The following STARD6 variants were observed in gnomAD, a reference collection of about 807,000 sequenced individuals.
STARD6 encodes the protein stAR-related lipid transfer protein 6.
A neutral mutation model predicts 22.3 loss-of-function variants in STARD6; 21 were observed. The ratio of observed to expected loss-of-function variants is 0.94; its 90% confidence interval spans 0.67 to 1.35. STARD6 has a LOEUF of 1.35. Ranked by LOEUF, STARD6 falls within the 40% of genes most tolerant of loss-of-function variation. The pLI, the probability that STARD6 is intolerant of heterozygous loss-of-function variation, is 0.00. For synonymous variants in STARD6, 80 were observed against 88.1 expected, an observed-to-expected ratio of 0.91 and a Z score of 0.52; for missense variants, 269 against 266.9, an observed-to-expected ratio of 1.01 and a Z score of -0.05.
intron 4 of STARD6, among the ~76,000 whole-genome samples, chr18:54,344,556 C>A (rs2089016558): frequency 1.2e-5 from 1 of 84,318 alleles, no homozygotes; most frequent in Non-Finnish European, 2.3e-5. Flanking sequence ...TGAGAAACAC[C>A]CAAGAATTAT....
chr18:54,343,653 C>T (rs1283576987), intron 4 of STARD6, among the ~76,000 whole-genome samples: 2 of 37,894 alleles, frequency 5.3e-5, no homozygotes, highest in Non-Finnish European at 9.8e-5. Context: ...CGGCCAGCCG[C>T]CCCGTCCGGG....
At chr18:54,356,482 CCATGAA>C (rs2144702646) in intron 1 of STARD6, 38 bp from the exon 2 acceptor site, 1 of 152,228 alleles carries the variant, frequency 6.6e-6, no homozygotes, top group Admixed American at 6.5e-5. Flanking sequence ...TTATTTTGAT[CCATGAA>C]TTAGGTCAAT....
intron 4 of STARD6, among the ~76,000 whole-genome samples, chr18:54,340,667 C>T (rs150336710): frequency 6.6e-6 from 1 of 152,104 alleles, no homozygotes; most frequent in African/African-American, 2.4e-5. Context: ...ACAAGCCAAT[C>T]AGAAGGTAGA....
At chr18:54,331,928 C>G in intron 5 of STARD6, 69 bp from the exon 6 acceptor site, 1 of 1,135,020 alleles carries the variant, frequency 8.8e-7, no homozygotes, top group Non-Finnish European at 1.3e-6. Flanking sequence ...GTTTCCCCCC[C>G]AAATTTTATT....
chr18:54,330,867 T>A (rs1052500658), intron 6 of STARD6, among the ~76,000 whole-genome samples: 1 of 152,172 alleles, frequency 6.6e-6, no homozygotes, highest in Non-Finnish European at 1.5e-5. Flanking sequence ...ATACATTATA[T>A]GTGCCCTCAT....
intron 5 of STARD6, among the ~76,000 whole-genome samples, chr18:54,336,160 CTT>C (rs1177537191): frequency 6.6e-6 from 1 of 152,104 alleles, no homozygotes; most frequent in Non-Finnish European, 1.5e-5. Flanking sequence ...TTTGTTTTCT[CTT>C]TGTTTTTATT....
At chr18:54,331,540 T>A (rs1826768084) in intron 6 of STARD6, among the ~76,000 whole-genome samples, 1 of 152,202 alleles carries the variant, frequency 6.6e-6, no homozygotes, top group Admixed American at 6.5e-5. Context: ...TAAGAGATGT[T>A]GCAAATATTG....
rs150791171 is a variant in STARD6 at position 54,334,555 on chromosome 18, G to A, written c.267+2570C>T. ...ACCCCACAGACTTTGTTTATCTCTTGACTAAACACTGCCAAACTCTTTCTA... is the reference window on the plus strand; with the variant it reads ...ACCCCACAGACTTTGTTTATCTCTTAACTAAACACTGCCAAACTCTTTCTA... On this transcript the variant is annotated intron_variant, in intron 5 of 7. Coordinates refer to ENST00000307844, the MANE Select transcript of STARD6 (RefSeq NM_139171.2). Among the ~76,000 whole-genome samples the A allele has an allele frequency of 4.0e-5, 6 of 151,828 alleles. No individual in the cohort carries two copies. In the East Asian group the frequency reaches 1.2e-3, roughly 30 times the overall value.
At chr18:54,343,345 C>T (rs1011440219) in intron 4 of STARD6, among the ~76,000 whole-genome samples, 18 of 143,386 alleles carry the variant, frequency 1.3e-4, no homozygotes, top group Admixed American at 1.0e-3. Context: ...CTCCGCCCGG[C>T]AGCCACCCCG....
At chr18:54,338,188 C>A (rs2088934561) in intron 4 of STARD6, among the ~76,000 whole-genome samples, 1 of 152,118 alleles carries the variant, frequency 6.6e-6, no homozygotes, top group African/African-American at 2.4e-5. Context: ...ATATTCTATC[C>A]ACTTTAAAAT....
intron 6 of STARD6, among the ~76,000 whole-genome samples, chr18:54,330,611 A>G (rs1023869482): frequency 6.6e-6 from 1 of 152,088 alleles, no homozygotes; most frequent in Non-Finnish European, 1.5e-5. Flanking sequence ...ATAAAAAAAA[A>G]GAAATGTTAA....
At chr18:54,337,284 T>C in intron 4 of STARD6, 33 bp from the exon 5 acceptor site, 5 of 1,594,228 alleles carry the variant, frequency 3.1e-6, no homozygotes, top group Non-Finnish European at 4.3e-6. Context: ...AATTCAAAGC[T>C]TAAAAAGTTT....
At chr18:54,340,032 C>T (rs1205075703) in intron 4 of STARD6, among the ~76,000 whole-genome samples, 6 of 151,824 alleles carry the variant, frequency 4.0e-5, no homozygotes, top group Non-Finnish European at 7.4e-5. Context: ...ATGAAGAGAA[C>T]CAGAAATGGT....
At chr18:54,356,156 A>T (rs1387103089) in intron 2 of STARD6, among the ~76,000 whole-genome samples, 3 of 152,250 alleles carry the variant, frequency 2.0e-5, no homozygotes, top group African/African-American at 7.2e-5. Flanking sequence ...TTAAGCACTT[A>T]AATAAACCTT....
At chr18:54,352,850 T>C (rs2089110608) in intron 4 of STARD6, among the ~76,000 whole-genome samples, 1 of 152,178 alleles carries the variant, frequency 6.6e-6, no homozygotes, top group African/African-American at 2.4e-5. Context: ...ATAAATAACT[T>C]CCAAGCTTTT....
intron 3 of STARD6, 70 bp from the exon 4 acceptor site, chr18:54,354,173 C>A: frequency 5.8e-6 from 6 of 1,042,192 alleles, no homozygotes; most frequent in South Asian, 3.2e-5. Context: ...GAAAAACTAA[C>A]AAAAGTAAAA....
At chr18:54,339,090 A>G (rs972389354) in intron 4 of STARD6, among the ~76,000 whole-genome samples, 1 of 144,194 alleles carries the variant, frequency 6.9e-6, no homozygotes, top group Non-Finnish European at 1.5e-5. Flanking sequence ...ACTCAAAGCA[A>G]TGATTGTAAA....
At chr18:54,331,331 T>C (rs1022180469) in intron 6 of STARD6, among the ~76,000 whole-genome samples, 1 of 152,178 alleles carries the variant, frequency 6.6e-6, no homozygotes, top group Non-Finnish European at 1.5e-5. Flanking sequence ...TAAAAGCACA[T>C]TTATGTAAAG....
intron 4 of STARD6, among the ~76,000 whole-genome samples, chr18:54,353,362 A>G (rs2089114891): frequency 6.6e-6 from 1 of 152,178 alleles, no homozygotes; most frequent in South Asian, 2.1e-4. Flanking sequence ...TACAGAAAAA[A>G]ATGCATATTT....
Sources: gnomAD v4.1 joint callset for allele counts (sites outside exome capture counted in the v4.1 genomes callset) on GRCh38, gnomAD v4.1.1 for gene constraint, MANE v1.5 for transcripts, NCBI Gene and HGNC (gene_info 2026-07-23, HGNC 2026-07-21) for gene names.